The following RTN4RL1 variants were observed in gnomAD, a reference collection of about 807,000 sequenced individuals.
The protein encoded by RTN4RL1 is reticulon 4 receptor like 1, also known as reticulon-4 receptor-like 1.
A neutral mutation model predicts 25.6 loss-of-function variants in RTN4RL1; 7 were observed. The observed-to-expected ratio is 0.27, with a 90% CI of 0.16 to 0.51. RTN4RL1 has a LOEUF of 0.51. Ranked by LOEUF, RTN4RL1 falls within the 20% of genes least tolerant of loss-of-function variation. The pLI is 0.97. For synonymous variants in RTN4RL1, 297 were observed against 288.2 expected, an observed-to-expected ratio of 1.03 and a Z score of -0.31; for missense variants, 500 against 615.6, an observed-to-expected ratio of 0.81 and a Z score of 1.99.
chr17:1,973,474 C>T (rs573847294), intron 1 of RTN4RL1, among the ~76,000 whole-genome samples: 254 of 150,502 alleles, frequency 1.7e-3, no homozygotes, highest in Non-Finnish European at 3.0e-3. Context: ...GCCGGGATCG[C>T]GCCATTGCAC....
intron 1 of RTN4RL1, among the ~76,000 whole-genome samples, chr17:1,992,131 G>A (rs2066911567): frequency 2.0e-5 from 3 of 152,152 alleles, no homozygotes; most frequent in South Asian, 2.1e-4. Context: ...TTGGGAGGCC[G>A]CGGCGGGTGG....
At chr17:1,951,091 C>A (rs1435794165) in intron 1 of RTN4RL1, among the ~76,000 whole-genome samples, 3 of 151,366 alleles carry the variant, frequency 2.0e-5, no homozygotes, top group Non-Finnish European at 4.4e-5. Flanking sequence ...CGGTGAAACC[C>A]CATCTCTACT....
At chr17:1,950,021 C>T (rs539437577) in intron 1 of RTN4RL1, among the ~76,000 whole-genome samples, 3 of 152,332 alleles carry the variant, frequency 2.0e-5, no homozygotes, top group African/African-American at 7.2e-5. Context: ...CAGCAGGAGC[C>T]AGGCCTCGTA....
At chr17:2,015,827 G>A (rs1057433568) in intron 1 of RTN4RL1, among the ~76,000 whole-genome samples, 1 of 152,192 alleles carries the variant, frequency 6.6e-6, no homozygotes, top group Non-Finnish European at 1.5e-5. Context: ...ATCAGCCGCA[G>A]GTGACAGAAC....
intron 1 of RTN4RL1, among the ~76,000 whole-genome samples, chr17:1,970,847 T>A (rs1360242619): frequency 6.6e-6 from 1 of 152,032 alleles, no homozygotes; most frequent in African/African-American, 2.4e-5. Context: ...AAGCAGTGAG[T>A]GGTGCTTAAC....
chr17:2,008,542 A>G (rs2067018382), intron 1 of RTN4RL1, among the ~76,000 whole-genome samples: 1 of 151,906 alleles, frequency 6.6e-6, no homozygotes, highest in Non-Finnish European at 1.5e-5. Context: ...CTTTTTGCCA[A>G]TCTGTAGGTT....
rs1245276014 is a variant in RTN4RL1, at chr17:1,998,387, T to C, written c.13+26466A>G. ...GGGGCCCGCGCTGAGAGATCGGGGT[T>C]ACCGCGCGGGGAGCCGCGGCCGCGC... is the stretch of plus-strand genomic sequence containing the variant. On this transcript the variant is annotated intron_variant, in intron 1 of 1. Transcript: ENST00000331238. This position sits in a 1 kb window ranked among gnomAD's most constrained non-coding sequence, Gnocchi z 4.9. 6.6e-6 allele frequency among the ~76,000 whole-genome samples: 1 copy of C among 151,944 alleles called. No homozygotes were observed. Among genetic ancestry groups the C allele is most frequent in the Non-Finnish European group, 1.5e-5 (1 of 67,948 alleles).
At chr17:1,982,056 T>C (rs1163806500) in intron 1 of RTN4RL1, among the ~76,000 whole-genome samples, 2 of 152,164 alleles carry the variant, frequency 1.3e-5, no homozygotes, top group East Asian at 3.8e-4. Context: ...TCCCAGCACT[T>C]TGGGAGGCCG....
At chr17:1,970,969 C>T (rs376624102) in intron 1 of RTN4RL1, among the ~76,000 whole-genome samples, 28 of 152,306 alleles carry the variant, frequency 1.8e-4, no homozygotes, top group African/African-American at 6.0e-4. Flanking sequence ...ATATTAATGA[C>T]GGCTGCCCTT....
At chr17:1,943,786 C>T (rs1915485094) in intron 1 of RTN4RL1, among the ~76,000 whole-genome samples, 1 of 152,196 alleles carries the variant, frequency 6.6e-6, no homozygotes, top group South Asian at 2.1e-4. Context: ...GACATGGAAG[C>T]CAGCCAGCGC....
At chr17:2,001,463 GTCTCGATT>G (rs1208861166) in intron 1 of RTN4RL1, 1 of 151,042 alleles carries the variant, frequency 6.6e-6, no homozygotes, top group African/African-American at 2.4e-5. Flanking sequence ...AGCCAGGATG[GTCTCGATT>G]TCCTGACCTC....
intron 1 of RTN4RL1, among the ~76,000 whole-genome samples, chr17:1,982,161 C>A (rs879285320): frequency 2.0e-5 from 3 of 151,814 alleles, no homozygotes; most frequent in African/African-American, 7.3e-5. Flanking sequence ...ATTAGCTGGG[C>A]GTGGTGGAGA....
At chr17:1,997,038 G>A (rs2066932621) in intron 1 of RTN4RL1, among the ~76,000 whole-genome samples, 1 of 152,056 alleles carries the variant, frequency 6.6e-6, no homozygotes, top group Non-Finnish European at 1.5e-5. Context: ...TGGCCTCCCC[G>A]CCTTCCCCCT....
At position 1,959,181 on chromosome 17, in the gene RTN4RL1, C is replaced by T. The variant is rs561170308; in HGVS notation, c.14-21373G>A. Among the ~76,000 whole-genome samples the T allele has an allele frequency of 4.6e-5, 7 of 152,364 alleles. No homozygotes were observed. In the South Asian group the frequency reaches 1.2e-3, roughly 27 times the overall value. On this transcript the variant is annotated intron_variant, in intron 1 of 1. Transcript: ENST00000331238. ...CTGGCTGAGACCCTTATACTCTGGG[C>T]AGTCTATGGCACACAGTGCAGAAAC...
intron 1 of RTN4RL1, among the ~76,000 whole-genome samples, chr17:1,993,392 C>A (rs2066917818): frequency 6.6e-6 from 1 of 152,324 alleles, no homozygotes; most frequent in South Asian, 2.1e-4. Flanking sequence ...GGCCCTGACA[C>A]TTCTAAGCAT....
At chr17:2,017,055 C>T (rs1017533503) in intron 1 of RTN4RL1, among the ~76,000 whole-genome samples, 45 of 152,334 alleles carry the variant, frequency 3.0e-4, no homozygotes, top group African/African-American at 9.9e-4. Flanking sequence ...ATCATCCTAT[C>T]GCCGTATAAA....
At chr17:1,970,021 T>C (rs868168888) in intron 1 of RTN4RL1, among the ~76,000 whole-genome samples, 260 of 39,234 alleles carry the variant, frequency 6.6e-3, no homozygotes, top group African/African-American at 0.015. Flanking sequence ...CTCTCTCTCT[T>C]TTTTTTTTTT....
intron 1 of RTN4RL1, among the ~76,000 whole-genome samples, chr17:1,950,063 T>A (rs1234574834): frequency 6.6e-6 from 1 of 152,010 alleles, no homozygotes; most frequent in Non-Finnish European, 1.5e-5. Flanking sequence ...AGGGTTTGGA[T>A]CTAATTCTGA....
chr17:1,974,669 C>A (rs994289788), intron 1 of RTN4RL1, among the ~76,000 whole-genome samples: 1 of 150,212 alleles, frequency 6.7e-6, no homozygotes, highest in Non-Finnish European at 1.5e-5. Flanking sequence ...TGGAGACGGG[C>A]TCTGACCAGA....
Sources: allele counts gnomAD v4.1 joint callset (sites outside exome capture counted in the v4.1 genomes callset), GRCh38; gene constraint gnomAD v4.1.1; non-coding constraint Gnocchi (gnomAD v3.1); transcripts MANE v1.5; gene names NCBI Gene and HGNC (gene_info 2026-07-23, HGNC 2026-07-21).